SMYD3: variants seen among roughly 807,000 people sequenced by gnomAD.
SMYD3 encodes the protein histone-lysine N-methyltransferase SMYD3.
Under a neutral mutation model 57.7 loss-of-function variants are expected in SMYD3, and 36 were observed. The observed-to-expected ratio is 0.62, with a 90% CI of 0.48 to 0.82. The LOEUF (loss-of-function observed/expected upper bound fraction) is 0.82. Ranked by LOEUF, SMYD3 falls within the 40% of genes least tolerant of loss-of-function variation. The pLI is 0.00. For missense variants in SMYD3, 515 were observed against 538.8 expected (o/e 0.96, Z 0.44); for synonymous variants, 211 against 195.0 (o/e 1.08, Z -0.68).
At chr1:245,786,221 G>GC (rs898835942) in intron 10 of SMYD3, among the ~76,000 whole-genome samples, 4 of 147,354 alleles carry the variant, frequency 2.7e-5, no homozygotes, top group Admixed American at 1.4e-4. Flanking sequence ...GACGGGGGGG[G>GC]GATGGTGGCA....
chr1:245,911,105 T>C (rs552522016), intron 8 of SMYD3, among the ~76,000 whole-genome samples: 2 of 151,884 alleles, frequency 1.3e-5, no homozygotes, highest in African/African-American at 4.8e-5. Context: ...GGCCAACAGA[T>C]ATATAAAAAA....
At chr1:246,173,379 ACATTT>A (rs1360495288) in intron 5 of SMYD3, among the ~76,000 whole-genome samples, 8 of 152,264 alleles carry the variant, frequency 5.3e-5, no homozygotes, top group South Asian at 2.1e-4. Context: ...AGGCTACACT[ACATTT>A]ATTAAAAATC....
intron 5 of SMYD3, among the ~76,000 whole-genome samples, chr1:246,078,610 C>T (rs2060585875): frequency 6.6e-6 from 1 of 152,140 alleles, no homozygotes; most frequent in South Asian, 2.1e-4. Context: ...TAGTTCAATT[C>T]ACTTTCTGTA....
chr1:245,850,947 A>C (rs925019121), intron 10 of SMYD3, among the ~76,000 whole-genome samples: 2 of 142,956 alleles, frequency 1.4e-5, no homozygotes, highest in Admixed American at 7.0e-5. Context: ...TCAGAGGATG[A>C]CAGTGTGGAG....
chr1:246,324,416 CAAAAAAA>C (rs897518368), intron 5 of SMYD3, among the ~76,000 whole-genome samples: 1 of 42,620 alleles, frequency 2.3e-5, no homozygotes, highest in African/African-American at 6.8e-5. Context: ...AACTCCATCT[CAAAAAAA>C]AAAAAAAAAA....
chr1:246,369,925 A>G (rs762961949), intron 1 of SMYD3, among the ~76,000 whole-genome samples: 5 of 152,076 alleles, frequency 3.3e-5, no homozygotes, highest in Non-Finnish European at 7.4e-5. Flanking sequence ...AATGGTTAGT[A>G]TTTCGAGGAA....
intron 5 of SMYD3, among the ~76,000 whole-genome samples, chr1:246,311,203 A>C (rs2148632454): frequency 6.6e-6 from 1 of 152,314 alleles, no homozygotes; most frequent in Non-Finnish European, 1.5e-5. Flanking sequence ...CTAAAAGATA[A>C]TTTTTAACTA....
chr1:246,183,821 A>C (rs1303251370), intron 5 of SMYD3, among the ~76,000 whole-genome samples: 1 of 152,242 alleles, frequency 6.6e-6, no homozygotes, highest in Admixed American at 6.5e-5. Context: ...CTGGAACATT[A>C]GCAGGTTTAA....
intron 8 of SMYD3, among the ~76,000 whole-genome samples, chr1:245,878,292 A>C (rs1221873822): frequency 4.6e-5 from 7 of 152,198 alleles, no homozygotes; most frequent in Non-Finnish European, 1.0e-4. Context: ...ATAACGGGAA[A>C]GTGTGGGCAC....
intron 5 of SMYD3, among the ~76,000 whole-genome samples, chr1:246,080,175 C>T (rs539293105): frequency 3.4e-4 from 47 of 139,128 alleles, no homozygotes; most frequent in African/African-American, 1.2e-3. Context: ...CCCAGGGCTG[C>T]GGACTGGTAC....
At chr1:246,286,933 G>A (rs141482555) in intron 5 of SMYD3, among the ~76,000 whole-genome samples, 273 of 150,120 alleles carry the variant, frequency 1.8e-3, no homozygotes, top group Non-Finnish European at 2.3e-3. Flanking sequence ...GTGCAGTGAC[G>A]GAATCTCGGC....
rs2049657709 is a variant in SMYD3, at chr1:245,828,785, C to A, written c.1076+29711G>T. ...GGCATGATCTCGGGCTCACTGCAACCTCCGCTTCCCGGGTTCAAGCATTTC... is the reference window on the plus strand; with the variant it reads ...GGCATGATCTCGGGCTCACTGCAACATCCGCTTCCCGGGTTCAAGCATTTC... On this transcript the variant is annotated intron_variant, in intron 10 of 11. Transcript: ENST00000490107. 2.0e-5 allele frequency among the ~76,000 whole-genome samples: 3 copies of A among 151,614 alleles called. No individual in the cohort carries two copies. The South Asian group carries it at 6.3e-4, about 32-fold the overall frequency.
At chr1:246,244,012 T>G (rs898607503) in intron 5 of SMYD3, among the ~76,000 whole-genome samples, 7 of 109,754 alleles carry the variant, frequency 6.4e-5, no homozygotes, top group African/African-American at 1.3e-4. Flanking sequence ...CGTATATATG[T>G]ACATATATGT....
chr1:245,982,413 C>T (rs1157408855), intron 5 of SMYD3, among the ~76,000 whole-genome samples: 14 of 152,300 alleles, frequency 9.2e-5, no homozygotes, highest in Non-Finnish European at 2.9e-5. Context: ...AGATGTCAGT[C>T]ACTACATCTG....
rs1026362528 is a variant in SMYD3 at position 246,152,698 on chromosome 1, C to T, written c.531+174503G>A. On this transcript the variant is annotated intron_variant, in intron 5 of 11. Transcript: ENST00000490107. ...TCATTTTGCTGATCAGGCTACACTA[C>T]GTGAGTGTGTCCTTATAGAAATAAA... 2.6e-5 allele frequency among the ~76,000 whole-genome samples: 4 copies of T among 152,206 alleles called. No individual in the cohort carries two copies. The South Asian group carries it at 6.2e-4, about 24-fold the overall frequency.
intron 5 of SMYD3, among the ~76,000 whole-genome samples, chr1:245,976,256 C>T (rs1236951452): frequency 3.0e-4 from 10 of 33,334 alleles, no homozygotes; most frequent in African/African-American, 8.0e-4. Flanking sequence ...CCATCGTCTC[C>T]GGCCCAGGGA....
chr1:245,951,316 G>A (rs963886549), intron 5 of SMYD3, among the ~76,000 whole-genome samples: 3 of 142,490 alleles, frequency 2.1e-5, no homozygotes, highest in African/African-American at 8.4e-5. Context: ...AATACTCGTC[G>A]TGGCTCACTT....
intron 5 of SMYD3, among the ~76,000 whole-genome samples, chr1:245,993,801 A>G (rs1572859209): frequency 6.6e-6 from 1 of 152,156 alleles, no homozygotes; most frequent in East Asian, 1.9e-4. Context: ...AGATATTGAA[A>G]AAGTTCGGGG....
chr1:246,457,740 C>A (rs1162020468), intron 1 of SMYD3, among the ~76,000 whole-genome samples: 1 of 152,104 alleles, frequency 6.6e-6, no homozygotes, highest in Non-Finnish European at 1.5e-5. Context: ...ACAAGCTGTG[C>A]GTACAGCAGA....
Sources: allele counts gnomAD v4.1 joint callset (sites outside exome capture counted in the v4.1 genomes callset), GRCh38; gene constraint gnomAD v4.1.1; transcripts MANE v1.5; gene names NCBI Gene and HGNC (gene_info 2026-07-23, HGNC 2026-07-21).